PRKCA: variants seen among roughly 807,000 people sequenced by gnomAD.
The protein encoded by PRKCA is protein kinase C alpha.
Under a neutral mutation model 87.0 loss-of-function variants are expected in PRKCA, and 27 were observed. The observed-to-expected ratio is 0.31, with a 90% confidence interval of 0.23 to 0.43. The LOEUF (loss-of-function observed/expected upper bound fraction) is 0.43. Among genes scored for constraint, PRKCA ranks in the 20% least tolerant of loss-of-function variants. The pLI, the probability that PRKCA is intolerant of heterozygous loss-of-function variation, is 1.00. For synonymous variants in PRKCA, 329 were observed against 311.1 expected, an observed-to-expected ratio of 1.06 and a Z score of -0.61; for missense variants, 518 against 852.3, an observed-to-expected ratio of 0.61 and a Z score of 4.88.
chr17:66,753,055 T>A (rs900412019), intron 13 of PRKCA, among the ~76,000 whole-genome samples: 1 of 152,210 alleles, frequency 6.6e-6, no homozygotes, highest in African/African-American at 2.4e-5. Flanking sequence ...GAGCAACTGT[T>A]CTTGCCAAAA....
chr17:66,657,167 G>T (rs1971757383), intron 5 of PRKCA, among the ~76,000 whole-genome samples: 2 of 152,204 alleles, frequency 1.3e-5, no homozygotes, highest in Admixed American at 1.3e-4. Context: ...CCCACTGGAA[G>T]CTCTGCACAG....
chr17:66,521,215 G>A (rs189560952), intron 3 of PRKCA, among the ~76,000 whole-genome samples: 1 of 152,274 alleles, frequency 6.6e-6, no homozygotes, highest in Admixed American at 6.5e-5. Context: ...TTCACAGACA[G>A]TGAAAGGAAG....
At chr17:66,507,559 A>G (rs1917031729) in intron 3 of PRKCA, among the ~76,000 whole-genome samples, 1 of 152,240 alleles carries the variant, frequency 6.6e-6, no homozygotes, top group Non-Finnish European at 1.5e-5. Flanking sequence ...TTCACAAGGC[A>G]GATTAGCAAC....
intron 8 of PRKCA, among the ~76,000 whole-genome samples, chr17:66,726,172 T>G (rs932112789): frequency 6.7e-6 from 1 of 149,474 alleles, no homozygotes; most frequent in African/African-American, 2.5e-5. Context: ...GACAGAAAGC[T>G]CAGGTGTTCG....
At chr17:66,663,534 G>A (rs1971962382) in intron 5 of PRKCA, among the ~76,000 whole-genome samples, 1 of 152,168 alleles carries the variant, frequency 6.6e-6, no homozygotes, top group African/African-American at 2.4e-5. Context: ...AGTTCCTCAG[G>A]CTTAACTTGT....
chr17:66,398,788 A>G (rs980401730), intron 2 of PRKCA, among the ~76,000 whole-genome samples: 2 of 152,238 alleles, frequency 1.3e-5, no homozygotes, highest in African/African-American at 2.4e-5. Flanking sequence ...AAATTATAGC[A>G]TAATTTCTCA....
At chr17:66,540,720 C>T (rs1210631249) in intron 3 of PRKCA, among the ~76,000 whole-genome samples, 7 of 152,180 alleles carry the variant, frequency 4.6e-5, no homozygotes, top group Non-Finnish European at 1.0e-4. Context: ...GTGAAACCCC[C>T]GGTTCTGTCT....
intron 3 of PRKCA, among the ~76,000 whole-genome samples, chr17:66,609,362 A>G (rs1232358386): frequency 2.0e-5 from 3 of 152,324 alleles, no homozygotes; most frequent in South Asian, 2.1e-4. Flanking sequence ...ATGAATGAGC[A>G]GTAAAGGTGC....
At position 66,380,943 on chromosome 17, in the gene PRKCA, C is replaced by CTT. The variant is rs60151675; in HGVS notation, c.205+74828_205+74829dup. On this transcript the variant is annotated intron_variant, in intron 2 of 16. Coordinates refer to ENST00000413366, the MANE Select transcript of PRKCA (RefSeq NM_002737.3). ...TAAGGTATTTTTATTTTTTATTTTT[C>CTT]TTTTTTTTTTTTTGGAGACAGGGTC... is the stretch of plus-strand genomic sequence containing the variant. 2.9e-3 allele frequency among the ~76,000 whole-genome samples: 420 copies of CTT among 142,768 alleles called. 3 individuals are homozygous for CTT. Among genetic ancestry groups the CTT allele is most frequent in the African/African-American group, 9.1e-3 (354 of 38,954 alleles). 93.7% of individuals were successfully genotyped at this position (142,768 alleles called of 152,430 possible).
At chr17:66,530,721 G>A (rs1325284107) in intron 3 of PRKCA, among the ~76,000 whole-genome samples, 1 of 152,170 alleles carries the variant, frequency 6.6e-6, no homozygotes. Context: ...TCTCTCAGTG[G>A]AAGCTGGGCA....
rs3803823 is a variant in PRKCA at position 66,741,330 on chromosome 17, A to C, written c.1323-329A>C. 5.3e-5 allele frequency among the ~76,000 whole-genome samples: 8 copies of C among 152,338 alleles called. No individual in the cohort carries two copies. In the East Asian group the frequency reaches 1.5e-3, roughly 29 times the overall value. On this transcript the variant is annotated intron_variant, in intron 11 of 16. Coordinates refer to ENST00000413366, the MANE Select transcript of PRKCA (RefSeq NM_002737.3). Reference sequence around the variant, plus strand: ...GGAAAATGGAAATTTTCTTTACGCCATACTCCTGATATAGAATAGTCTAAC... The same window carrying C: ...GGAAAATGGAAATTTTCTTTACGCCCTACTCCTGATATAGAATAGTCTAAC...
intron 10 of PRKCA, among the ~76,000 whole-genome samples, chr17:66,737,978 G>A (rs1320424259): frequency 6.6e-6 from 1 of 152,204 alleles, no homozygotes; most frequent in Non-Finnish European, 1.5e-5. Flanking sequence ...GCACTTTAAT[G>A]TTTAATATCC....
intron 2 of PRKCA, among the ~76,000 whole-genome samples, chr17:66,424,568 A>AACACACACACACACAC (rs141074503): frequency 0.034 from 4,784 of 141,992 alleles, 120 homozygotes; most frequent in Non-Finnish European, 0.047. Flanking sequence ...CCCTGTCTCA[A>AACACACACACACACAC]ACACACACAC....
intron 3 of PRKCA, among the ~76,000 whole-genome samples, chr17:66,499,684 C>T (rs1188607959): frequency 6.6e-6 from 1 of 152,156 alleles, no homozygotes; most frequent in African/African-American, 2.4e-5. Flanking sequence ...GATGCCCAGC[C>T]ATGTCCTGCT....
intron 5 of PRKCA, among the ~76,000 whole-genome samples, chr17:66,673,245 A>G (rs2032506037): frequency 6.6e-6 from 1 of 152,216 alleles, no homozygotes; most frequent in African/African-American, 2.4e-5. Context: ...ATCTTATACC[A>G]CAGTCCTCCG....
chr17:66,726,537 G>A (rs766958466), intron 8 of PRKCA, among the ~76,000 whole-genome samples: 17 of 152,248 alleles, frequency 1.1e-4, no homozygotes, highest in Middle Eastern at 6.8e-3. Context: ...AGGGAAGGGC[G>A]GAGCTGGCGT....
intron 2 of PRKCA, among the ~76,000 whole-genome samples, chr17:66,340,834 A>G (rs1907000179): frequency 6.6e-6 from 1 of 152,114 alleles, no homozygotes; most frequent in Non-Finnish European, 1.5e-5. Flanking sequence ...ATTATTTGGC[A>G]ATTGAGAAGG....
chr17:66,578,331 G>T (rs369647176), intron 3 of PRKCA, among the ~76,000 whole-genome samples: 10 of 152,154 alleles, frequency 6.6e-5, no homozygotes, highest in Non-Finnish European at 1.3e-4. Flanking sequence ...GTCCACATGG[G>T]TTTGTTTGTC....
intron 14 of PRKCA, chr17:66,777,906 A>G (rs953093248): frequency 3.0e-6 from 3 of 985,208 alleles, no homozygotes; most frequent in African/African-American, 3.5e-5. Flanking sequence ...CCCCTCTCCA[A>G]GCCTTCCTGG....
Sources: allele counts gnomAD v4.1 joint callset (sites outside exome capture counted in the v4.1 genomes callset), GRCh38; gene constraint gnomAD v4.1.1; transcripts MANE v1.5; gene names NCBI Gene and HGNC (gene_info 2026-07-23, HGNC 2026-07-21).